Variants in PRKAA2 observed in about 807,000 individuals in gnomAD.
PRKAA2 encodes protein kinase AMP-activated catalytic subunit alpha 2.
A neutral mutation model predicts 56.3 loss-of-function variants in PRKAA2; 40 were observed. That is an observed-to-expected ratio of 0.71 (90% CI 0.55 to 0.92). The LOEUF (loss-of-function observed/expected upper bound fraction) is 0.92. Ranked by LOEUF, PRKAA2 falls within the 40% of genes least tolerant of loss-of-function variation. The pLI, the probability that PRKAA2 is intolerant of heterozygous loss-of-function variation, is 0.00. For missense variants in PRKAA2, 542 were observed against 686.9 expected (o/e 0.79, Z 2.36); for synonymous variants, 214 against 234.2 (o/e 0.91, Z 0.79).
In PRKAA2 at chr1:56,709,504, A is replaced by G. The variant is rs528257145; in HGVS notation, c.*1791A>G. On this transcript the variant is annotated 3_prime_UTR_variant, in exon 9 of 9. Transcript: ENST00000371244. ...TGTGGCACCAAAAGGTAATTTTTAC[A>G]TGATTATTTGTATAGTGATAAGCAG... The G allele has an allele frequency of 1.3e-5, 2 of 152,280 alleles. No individual in the cohort carries two copies. The highest frequency in any genetic ancestry group is 1.9e-4 in the East Asian group (1 of 5,184). 9.4% of individuals were successfully genotyped at this position (152,280 alleles called of 1,614,324 possible).
chr1:56,654,277 C>T (rs755758163), intron 1 of PRKAA2, among the ~76,000 whole-genome samples: 6 of 152,178 alleles, frequency 3.9e-5, no homozygotes, highest in Non-Finnish European at 8.8e-5. Context: ...AAAATGTCCA[C>T]TTACCTTGTG....
At chr1:56,687,876 T>C (rs1644203418) in intron 2 of PRKAA2, among the ~76,000 whole-genome samples, 6 of 152,182 alleles carry the variant, frequency 3.9e-5, no homozygotes. Flanking sequence ...TTCCTAAAAA[T>C]GCGTATAACT....
In PRKAA2 at chr1:56,692,517, G is replaced by A. The variant is rs1310636072; in HGVS notation, c.475+15G>A. The A allele has an allele frequency of 1.2e-6, 2 of 1,611,632 alleles. No homozygotes were observed. Among genetic ancestry groups the A allele is most frequent in the Non-Finnish European group, 1.7e-6 (2 of 1,178,982 alleles). On this transcript the variant is annotated intron_variant, in intron 4 of 8. Transcript: ENST00000371244. ...AGCCGATTTCGGTATGTAACTCCAGGGTTGTTCAGAAAGGTACTAGCTACC... is the reference window on the plus strand; with the variant it reads ...AGCCGATTTCGGTATGTAACTCCAGAGTTGTTCAGAAAGGTACTAGCTACC...
intron 1 of PRKAA2, among the ~76,000 whole-genome samples, chr1:56,655,427 T>A (rs940805076): frequency 7.2e-6 from 1 of 138,306 alleles, no homozygotes; most frequent in East Asian, 2.2e-4. Context: ...TTTTTTTTTT[T>A]AATGTGTTTG....
At chr1:56,695,829 G>C (rs1644255290) in intron 5 of PRKAA2, 106 bp from the exon 6 acceptor site, 1 of 973,508 alleles carries the variant, frequency 1.0e-6, no homozygotes, top group Non-Finnish European at 1.6e-6. Context: ...TAAAGACCTT[G>C]GAAATGAATA....
intron 6 of PRKAA2, among the ~76,000 whole-genome samples, chr1:56,701,848 T>G (rs2100434700): frequency 6.6e-6 from 1 of 151,844 alleles, no homozygotes; most frequent in African/African-American, 2.4e-5. Flanking sequence ...GAGTGGAGAT[T>G]GAGCTACTGC....
intron 2 of PRKAA2, among the ~76,000 whole-genome samples, chr1:56,689,224 C>T (rs536883213): frequency 2.0e-5 from 3 of 152,292 alleles, no homozygotes; most frequent in African/African-American, 4.8e-5. Context: ...ACCTGCCCTA[C>T]AGTATTCAGT....
chr1:56,663,353 G>A (rs368407547), intron 1 of PRKAA2, among the ~76,000 whole-genome samples: 7 of 152,200 alleles, frequency 4.6e-5, no homozygotes, highest in African/African-American at 1.4e-4. Context: ...TTCCCAAAGT[G>A]TTGGGATTCA....
chr1:56,707,565 C>G lies in PRKAA2; in HGVS notation c.1511C>G (p.Ser504Cys). 6.2e-7 allele frequency: 1 copy of G among 1,614,090 alleles called. No homozygotes were observed. Among genetic ancestry groups the G allele is most frequent in the Non-Finnish European group, 8.5e-7 (1 of 1,179,992 alleles). Residue 504 changes from serine (S) to cysteine (C), a missense_variant, in exon 9 of 9, where the codon TCC becomes TGC. Ser to Cys is a moderately radical substitution (Grantham distance 112). Coordinates refer to ENST00000371244, the MANE Select transcript of PRKAA2 (RefSeq NM_006252.4). ...GLHRPRSSFD[S>C]TTAESHSLSG... ...CACAGACCAAGATCAAGTTTTGATT[C>G]CACAACTGCAGAGAGCCATTCACTT...
At position 56,704,351 on chromosome 1, in the gene PRKAA2, C is replaced by T. The variant is rs2100437515; in HGVS notation, c.1169C>T (p.Thr390Ile). ...ARCPLDALNTTKPKSLAVKKA... is the reference protein window; with the variant it reads ...ARCPLDALNTIKPKSLAVKKA... The stretch of plus-strand genomic sequence containing the variant: ...TGTCCATTGGATGCACTGAATACGA[C>T]TAAGCCCAAATCTTTAGCTGTGAAA... The change falls in exon 7 of 9, where the codon ACT becomes ATT. Residue 390 changes from threonine (T) to isoleucine (I), a missense_variant. This residue lies in a region of PRKAA2 where 198 missense variants were observed against 234.0 expected (regional missense o/e 0.85). Transcript: ENST00000371244. 2 of 1,614,162 alleles carry T rather than the reference C, an allele frequency of 1.2e-6. No homozygotes were observed. The highest frequency in any genetic ancestry group is 4.5e-5 in the East Asian group (2 of 44,878).
chr1:56,659,617 A>G (rs928147466), intron 1 of PRKAA2, among the ~76,000 whole-genome samples: 1 of 152,168 alleles, frequency 6.6e-6, no homozygotes, highest in Non-Finnish European at 1.5e-5. Context: ...TAAAGCCAGT[A>G]TAAACACTTA....
At chr1:56,674,944 A>G (rs1228216711) in intron 2 of PRKAA2, among the ~76,000 whole-genome samples, 1 of 152,062 alleles carries the variant, frequency 6.6e-6, no homozygotes, top group East Asian at 1.9e-4. Flanking sequence ...TTGGAAAGAT[A>G]GAAAGTATAT....
At chr1:56,687,618 T>G (rs1443582791) in intron 2 of PRKAA2, among the ~76,000 whole-genome samples, 1 of 152,094 alleles carries the variant, frequency 6.6e-6, no homozygotes, top group Non-Finnish European at 1.5e-5. Flanking sequence ...TTAAAAATAG[T>G]AATTAAATAA....
chr1:56,709,775 G>A lies in PRKAA2; in HGVS notation c.*2062G>A, dbSNP rs1254475003. Reference sequence around the variant, plus strand: ...TTAGCTCCATTAGTCTAATAGGTCAGATATTAAAAAATTGTTCATATCAAA... The same window carrying A: ...TTAGCTCCATTAGTCTAATAGGTCAAATATTAAAAAATTGTTCATATCAAA... On this transcript the variant is annotated 3_prime_UTR_variant, in exon 9 of 9. Transcript: ENST00000371244. The A allele has an allele frequency of 2.0e-5, 3 of 152,144 alleles. No homozygotes were observed. The highest frequency in any genetic ancestry group is 4.4e-5 in the Non-Finnish European group (3 of 68,000). The allele number at this position is 152,144 out of a possible 1,614,324, so 9.4% of individuals were successfully genotyped here.
intron 1 of PRKAA2, among the ~76,000 whole-genome samples, chr1:56,657,804 A>G (rs1643958084): frequency 6.6e-6 from 1 of 152,210 alleles, no homozygotes. Flanking sequence ...AATTGAGACA[A>G]TTTGTCAACA....
chr1:56,649,145 A>C (rs1451608901), intron 1 of PRKAA2, among the ~76,000 whole-genome samples: 1 of 152,150 alleles, frequency 6.6e-6, no homozygotes, highest in East Asian at 1.9e-4. Flanking sequence ...CAAGTCTCAA[A>C]GATTTTCTTT....
chr1:56,690,875 C>T (rs1435443664), intron 2 of PRKAA2, among the ~76,000 whole-genome samples: 1 of 152,160 alleles, frequency 6.6e-6, no homozygotes, highest in Non-Finnish European at 1.5e-5. Context: ...AAATCGGTTC[C>T]ATAAAATCAT....
In PRKAA2 at chr1:56,703,960, G is replaced by GT; in HGVS notation, c.789-6dup. Reference sequence around the variant, plus strand: ...ATGTCTTACAATAATGTATTGTGGTGTTTTTCCTAGAGAGCATGAATGGTT... The same window carrying GT: ...ATGTCTTACAATAATGTATTGTGGTGTTTTTTCCTAGAGAGCATGAATGGTT... On this transcript the variant is annotated splice_polypyrimidine_tract_variant and intron_variant, in intron 6 of 8. Transcript: ENST00000371244. 6.3e-7 allele frequency: 1 copy of GT among 1,588,730 alleles called. No homozygotes were observed.
chr1:56,665,156 C>G (rs554712676), intron 1 of PRKAA2, among the ~76,000 whole-genome samples: 60 of 151,718 alleles, frequency 4.0e-4, no homozygotes, highest in African/African-American at 1.4e-3. Flanking sequence ...TCACTGCAAC[C>G]TCCGCCTCCC....
Sources: allele counts gnomAD v4.1 joint callset (sites outside exome capture counted in the v4.1 genomes callset), GRCh38; gene constraint gnomAD v4.1.1; regional missense constraint gnomAD v4.1.1; transcripts MANE v1.5; gene names NCBI Gene and HGNC (gene_info 2026-07-23, HGNC 2026-07-21).